CARMIL1: variants seen among roughly 807,000 people sequenced by gnomAD.
CARMIL1 encodes the protein F-actin-uncapping protein LRRC16A.
Under a neutral mutation model 177.1 loss-of-function variants are expected in CARMIL1, and 90 were observed. The observed-to-expected ratio is 0.51, with a 90% confidence interval of 0.43 to 0.61. The LOEUF is 0.61. CARMIL1 is among the 20% of genes least tolerant of loss of function. The pLI, the probability that CARMIL1 is intolerant of heterozygous loss-of-function variation, is 0.00. For synonymous variants in CARMIL1, 577 were observed against 606.2 expected, an observed-to-expected ratio of 0.95 and a Z score of 0.71; for missense variants, 1,380 against 1,667.0, an observed-to-expected ratio of 0.83 and a Z score of 3.00.
chr6:25,377,725 G>A (rs1036466779), intron 2 of CARMIL1, among the ~76,000 whole-genome samples: 17 of 152,130 alleles, frequency 1.1e-4, no homozygotes, highest in Non-Finnish European at 1.9e-4. Context: ...GGTTAGCCAG[G>A]GTGTTGCAGG....
intron 8 of CARMIL1, chr6:25,452,129 C>T (rs780028932): frequency 7.8e-6 from 6 of 764,942 alleles, no homozygotes; most frequent in South Asian, 4.0e-5. Flanking sequence ...GATATACCTC[C>T]TCTTTGCACA....
intron 4 of CARMIL1, among the ~76,000 whole-genome samples, chr6:25,429,450 C>T (rs1478695881): frequency 6.6e-6 from 1 of 152,174 alleles, no homozygotes; most frequent in Non-Finnish European, 1.5e-5. Flanking sequence ...TACTGGCCTA[C>T]AAGTAGGGTA....
chr6:25,426,440 A>G, intron 3 of CARMIL1, 61 bp from the exon 4 acceptor site: 2 of 1,184,696 alleles, frequency 1.7e-6, no homozygotes, highest in Non-Finnish European at 2.4e-6. Context: ...ACCTTAAGTT[A>G]TATGTTTTTT....
chr6:25,476,960 G>A (rs1801628607), intron 11 of CARMIL1, among the ~76,000 whole-genome samples: 1 of 151,748 alleles, frequency 6.6e-6, no homozygotes, highest in African/African-American at 2.4e-5. Flanking sequence ...GTGGTGGTGT[G>A]TGCCTGTAAT....
At chr6:25,285,925 G>A (rs1277095250) in intron 2 of CARMIL1, among the ~76,000 whole-genome samples, 1 of 152,140 alleles carries the variant, frequency 6.6e-6, no homozygotes, top group Non-Finnish European at 1.5e-5. Context: ...AGGCTGGAGT[G>A]CAATGGTGTG....
chr6:25,417,058 T>G (rs535922905), intron 2 of CARMIL1, among the ~76,000 whole-genome samples: 1 of 152,286 alleles, frequency 6.6e-6, no homozygotes, highest in East Asian at 1.9e-4. Flanking sequence ...TCAGCATTAT[T>G]ATCTTATTTC....
chr6:25,484,335 A>G (rs977907036), intron 12 of CARMIL1, among the ~76,000 whole-genome samples: 3 of 152,246 alleles, frequency 2.0e-5, no homozygotes, highest in African/African-American at 4.8e-5. Context: ...TTTTATATCC[A>G]TGCCATCATA....
chr6:25,609,494 C>G (rs573040464), intron 35 of CARMIL1, among the ~76,000 whole-genome samples: 1 of 151,082 alleles, frequency 6.6e-6, no homozygotes, highest in East Asian at 1.9e-4. Context: ...GACTAGAATT[C>G]TAGTCCTAGC....
chr6:25,477,098 A>C (rs549759301), intron 11 of CARMIL1, among the ~76,000 whole-genome samples: 14 of 151,736 alleles, frequency 9.2e-5, no homozygotes, highest in East Asian at 3.9e-4. Context: ...AAAAAAAAAA[A>C]AAAACAAAAA....
chr6:25,341,279 C>T (rs1786907181), intron 2 of CARMIL1, among the ~76,000 whole-genome samples: 1 of 151,974 alleles, frequency 6.6e-6, no homozygotes, highest in Non-Finnish European at 1.5e-5. Flanking sequence ...CAGAAGGTGC[C>T]AGAGACAATA....
intron 5 of CARMIL1, among the ~76,000 whole-genome samples, chr6:25,441,333 ATATATGTGTGTGTG>A (rs1312995262): frequency 3.0e-5 from 2 of 66,966 alleles, no homozygotes; most frequent in Middle Eastern, 7.5e-3. Context: ...ATATATATAT[ATATATGTGTGTGTG>A]TGTGTGTGTG....
At chr6:25,310,174 C>T (rs1262601434) in intron 2 of CARMIL1, among the ~76,000 whole-genome samples, 1 of 152,120 alleles carries the variant, frequency 6.6e-6, no homozygotes, top group Non-Finnish European at 1.5e-5. Flanking sequence ...TTTGTGTGGG[C>T]ATATGTGCTC....
chr6:25,509,599 G>T lies in CARMIL1; in HGVS notation c.1396-57G>T, dbSNP rs1805265625. ...CTGTCTCTCCTATTTTTAATTTTTT[G>T]ATTACATCTCCAGTAGAGTGAAGAC... On this transcript the variant is annotated intron_variant, in intron 17 of 36. Coordinates refer to ENST00000329474, the MANE Select transcript of CARMIL1 (RefSeq NM_017640.6). The surrounding 1 kb of genome is among the most constrained non-coding windows in gnomAD (Gnocchi z 4.1). 3.5e-6 allele frequency: 4 copies of T among 1,137,782 alleles called. No individual in the cohort carries two copies. The South Asian group carries it at 4.2e-5, about 12-fold the overall frequency. 70.5% of individuals were successfully genotyped at this position (1,137,782 alleles called of 1,614,324 possible). A position where few individuals can be genotyped will look rare whatever the true frequency, so the allele number is the denominator to read the frequency against.
chr6:25,418,549 TA>T lies in CARMIL1; in HGVS notation c.139-1552del, dbSNP rs34839184. ...TTGCCCCCAAGGCCTTAGGAGGGTG[TA>T]AAAAAAAAAAAAGATAAATTCCTCA... On this transcript the variant is annotated intron_variant, in intron 2 of 36. Coordinates refer to ENST00000329474, the MANE Select transcript of CARMIL1 (RefSeq NM_017640.6). 8.7e-4 allele frequency among the ~76,000 whole-genome samples: 128 copies of T among 146,610 alleles called. 1 individual carries two copies. Among genetic ancestry groups the T allele is most frequent in the Middle Eastern group, 3.4e-3 (1 of 290 alleles).
intron 5 of CARMIL1, among the ~76,000 whole-genome samples, chr6:25,446,472 C>A (rs1051783089): frequency 1.7e-4 from 26 of 152,310 alleles, no homozygotes; most frequent in African/African-American, 6.0e-4. Context: ...CTTCCAACTT[C>A]AGCTTCCTCC....
At chr6:25,602,977 A>G (rs764769909) in intron 33 of CARMIL1, among the ~76,000 whole-genome samples, 6 of 152,246 alleles carry the variant, frequency 3.9e-5, no homozygotes, top group Non-Finnish European at 8.8e-5. Flanking sequence ...TCATCTGTCC[A>G]CACACAAAGG....
chr6:25,323,973 G>A (rs1391089041), intron 2 of CARMIL1, among the ~76,000 whole-genome samples: 3 of 152,230 alleles, frequency 2.0e-5, no homozygotes, highest in Admixed American at 6.5e-5. Flanking sequence ...GTAATTGACT[G>A]TTATGGCAGA....
rs1813779055 is a variant in CARMIL1 at position 25,586,874 on chromosome 6, G to A, written c.3006+5435G>A. On this transcript the variant is annotated intron_variant, in intron 31 of 36. Coordinates refer to ENST00000329474, the MANE Select transcript of CARMIL1 (RefSeq NM_017640.6). ...CAGGCTGAGGCAGGAGAATCAGGCAGGGAGGTTGCAGTGAGCCGAGATGGC... is the reference window on the plus strand; with the variant it reads ...CAGGCTGAGGCAGGAGAATCAGGCAAGGAGGTTGCAGTGAGCCGAGATGGC... Among the ~76,000 whole-genome samples, 3 of 152,002 alleles carry A rather than the reference G, an allele frequency of 2.0e-5. No individual in the cohort carries two copies. In the South Asian group the frequency reaches 6.2e-4, roughly 32 times the overall value.
At chr6:25,576,931 C>G in intron 29 of CARMIL1, 1 of 936,422 alleles carries the variant, frequency 1.1e-6, no homozygotes, top group Non-Finnish European at 1.3e-6. Flanking sequence ...GTTGCTTTAT[C>G]TCTCTTCCAT....
Sources: gnomAD v4.1 joint callset for allele counts (sites outside exome capture counted in the v4.1 genomes callset) on GRCh38, gnomAD v4.1.1 for gene constraint, Gnocchi (gnomAD v3.1) non-coding constraint, MANE v1.5 for transcripts, NCBI Gene and HGNC (gene_info 2026-07-23, HGNC 2026-07-21) for gene names.